RAPGEF4: variants seen among roughly 807,000 people sequenced by gnomAD.
RAPGEF4 encodes the protein RAP guanine-nucleotide-exchange factor (GEF) 4.
RAPGEF4 carries 66 observed loss-of-function variants against 147.9 expected under a neutral mutation model. The ratio of observed to expected loss-of-function variants is 0.45; its 90% CI spans 0.37 to 0.55. The LOEUF is 0.55. Among genes scored for constraint, RAPGEF4 ranks in the 20% least tolerant of loss-of-function variants. RAPGEF4 has a pLI of 0.00. For missense variants in RAPGEF4, 1,071 were observed against 1,257.3 expected (o/e 0.85, Z 2.24); for synonymous variants, 419 against 442.7 (o/e 0.95, Z 0.67).
At chr2:173,021,318 T>G (rs551324393) in intron 23 of RAPGEF4, among the ~76,000 whole-genome samples, 1 of 152,296 alleles carries the variant, frequency 6.6e-6, no homozygotes, top group Non-Finnish European at 1.5e-5. Context: ...CTACCAGAAT[T>G]TGGTATGTAG....
chr2:172,860,382 T>A, intron 4 of RAPGEF4: 1 of 921,564 alleles, frequency 1.1e-6, no homozygotes, highest in East Asian at 1.2e-4. Flanking sequence ...TGTGTTTTCA[T>A]GGAAGCCTCA....
At chr2:172,957,603 A>G (rs1688870423) in intron 6 of RAPGEF4, among the ~76,000 whole-genome samples, 1 of 152,324 alleles carries the variant, frequency 6.6e-6, no homozygotes, top group East Asian at 1.9e-4. Context: ...TTCCCTCAAA[A>G]TAAAACCTTC....
chr2:172,993,274 A>G (rs990755536), intron 15 of RAPGEF4, among the ~76,000 whole-genome samples: 3 of 152,198 alleles, frequency 2.0e-5, no homozygotes, highest in African/African-American at 7.2e-5. Flanking sequence ...ACTGTTTCGC[A>G]TGTCTTTCTG....
At chr2:172,854,771 G>T (rs937737555) in intron 4 of RAPGEF4, among the ~76,000 whole-genome samples, 1 of 152,046 alleles carries the variant, frequency 6.6e-6, no homozygotes, top group African/African-American at 2.4e-5. Flanking sequence ...AGCTTTATTG[G>T]ATGCAAGGCC....
intron 1 of RAPGEF4, among the ~76,000 whole-genome samples, chr2:172,774,539 T>A (rs945056592): frequency 6.6e-6 from 1 of 152,236 alleles, no homozygotes; most frequent in Admixed American, 6.5e-5. Flanking sequence ...TTTTGCAATT[T>A]CTGTCCATTC....
chr2:172,847,754 G>A (rs16860984), intron 4 of RAPGEF4, among the ~76,000 whole-genome samples: 16,856 of 152,236 alleles, frequency 0.11, 971 homozygotes, highest in South Asian at 0.18. Context: ...CAGGGATTAC[G>A]TGAAACTTTT....
intron 4 of RAPGEF4, among the ~76,000 whole-genome samples, chr2:172,861,839 C>T (rs1484604762): frequency 1.3e-5 from 2 of 152,196 alleles, no homozygotes; most frequent in African/African-American, 4.8e-5. Flanking sequence ...AGAATCACTG[C>T]ACAGCTGGGC....
intron 29 of RAPGEF4, among the ~76,000 whole-genome samples, chr2:173,037,378 G>A (rs1057183432): frequency 3.9e-5 from 6 of 152,150 alleles, no homozygotes; most frequent in South Asian, 2.1e-4. Context: ...CAGCCACTGC[G>A]CCTGGCCTAG....
chr2:172,761,061 C>T (rs985067506), intron 1 of RAPGEF4, among the ~76,000 whole-genome samples: 6 of 149,266 alleles, frequency 4.0e-5, no homozygotes, highest in Admixed American at 4.0e-4. Context: ...CTCTTCTCAT[C>T]AGAATCCATG....
intron 1 of RAPGEF4, among the ~76,000 whole-genome samples, chr2:172,782,995 G>A (rs1043367422): frequency 2.6e-5 from 4 of 152,172 alleles, no homozygotes; most frequent in African/African-American, 9.7e-5. Flanking sequence ...AATTGGACAA[G>A]GCTGTACTTC....
chr2:172,878,098 C>T (rs1696173747), intron 4 of RAPGEF4, among the ~76,000 whole-genome samples: 3 of 152,180 alleles, frequency 2.0e-5, no homozygotes, highest in Admixed American at 1.3e-4. Flanking sequence ...AGAATCTGCA[C>T]TTCAAATGAA....
intron 4 of RAPGEF4, chr2:172,822,053 G>A (rs769929662): frequency 2.1e-5 from 32 of 1,548,072 alleles, no homozygotes; most frequent in African/African-American, 2.7e-5. Flanking sequence ...TTGCATTTTG[G>A]AATTATGCTC....
chr2:172,997,021 CT>C (rs1693438162), intron 16 of RAPGEF4, among the ~76,000 whole-genome samples: 1 of 152,178 alleles, frequency 6.6e-6, no homozygotes, highest in Admixed American at 6.5e-5. Flanking sequence ...TAGGGCTGCC[CT>C]AATGAACTAC....
chr2:172,739,700 C>T (rs918900849), intron 1 of RAPGEF4, among the ~76,000 whole-genome samples: 2 of 152,144 alleles, frequency 1.3e-5, no homozygotes, highest in Admixed American at 1.3e-4. Flanking sequence ...AAATATTTTT[C>T]CCGTAAGATT....
At chr2:172,770,958 A>T (rs778177296) in intron 1 of RAPGEF4, among the ~76,000 whole-genome samples, 1 of 152,146 alleles carries the variant, frequency 6.6e-6, no homozygotes, top group Non-Finnish European at 1.5e-5. Context: ...GATGGGAGGC[A>T]CTGTTCTAGG....
At position 172,977,346 on chromosome 2, in the gene RAPGEF4, C is replaced by T. The variant is rs141255392; in HGVS notation, c.1005-6150C>T. Among the ~76,000 whole-genome samples the T allele has an allele frequency of 1.1e-3, 164 of 152,244 alleles. 2 individuals are homozygous for T. The highest frequency in any genetic ancestry group is 3.8e-3 in the African/African-American group (158 of 41,540). On this transcript the variant is annotated intron_variant, in intron 10 of 30. Coordinates refer to ENST00000397081, the MANE Select transcript of RAPGEF4 (RefSeq NM_007023.4). Reference sequence around the variant, plus strand: ...GAAAGGTGCTTAATGCCACTGTTTGCCAAGAGAAACCTGCTTTTAAAATGC... The same window carrying T: ...GAAAGGTGCTTAATGCCACTGTTTGTCAAGAGAAACCTGCTTTTAAAATGC...
In RAPGEF4 at chr2:172,750,734, T is replaced by C. The variant is rs143026959; in HGVS notation, c.65+14686T>C. On this transcript the variant is annotated intron_variant, in intron 1 of 30. Transcript: ENST00000397081. ...GTTTTGATTTGCATTTCTCTGATGA[T>C]TAGTAATGTTGAGCACCTTTTCATA... Among the ~76,000 whole-genome samples the C allele has an allele frequency of 2.4e-3, 368 of 152,332 alleles. 4 individuals are homozygous for C. The East Asian group carries it at 0.039, about 16-fold the overall frequency.
chr2:172,767,278 A>G (rs1459407585), intron 1 of RAPGEF4, among the ~76,000 whole-genome samples: 1 of 151,024 alleles, frequency 6.6e-6, no homozygotes, highest in Non-Finnish European at 1.5e-5. Context: ...TCCTGGGTTC[A>G]GGCGATTCTC....
chr2:173,045,652 T>C (rs1476562154), intron 29 of RAPGEF4, among the ~76,000 whole-genome samples: 1 of 152,194 alleles, frequency 6.6e-6, no homozygotes, highest in Non-Finnish European at 1.5e-5. Flanking sequence ...CATTATGAGC[T>C]CCAAGGATAA....
Sources: allele counts gnomAD v4.1 joint callset (sites outside exome capture counted in the v4.1 genomes callset), GRCh38; gene constraint gnomAD v4.1.1; transcripts MANE v1.5; gene names NCBI Gene and HGNC (gene_info 2026-07-23, HGNC 2026-07-21).